Variants in FSTL5 observed in about 807,000 individuals in gnomAD.
FSTL5 encodes follistatin like 5, also known as follistatin-related protein 5.
A neutral mutation model predicts 89.1 loss-of-function variants in FSTL5; 62 were observed. The observed-to-expected ratio is 0.70, with a 90% CI of 0.57 to 0.86. The LOEUF (loss-of-function observed/expected upper bound fraction) is 0.86. FSTL5 is among the 40% of genes least tolerant of loss of function. FSTL5 has a pLI of 0.00. For missense variants in FSTL5, 1,057 were observed against 1,001.6 expected (o/e 1.06, Z -0.75); for synonymous variants, 383 against 346.2 (o/e 1.11, Z -1.18).
chr4:161,901,658 G>A (rs951520110), intron 4 of FSTL5, among the ~76,000 whole-genome samples: 7 of 152,164 alleles, frequency 4.6e-5, no homozygotes, highest in Admixed American at 2.0e-4. Flanking sequence ...TTTAGGCCGG[G>A]CATGGTGGCT....
intron 4 of FSTL5, among the ~76,000 whole-genome samples, chr4:161,913,893 G>A (rs560904278): frequency 6.6e-6 from 1 of 152,242 alleles, no homozygotes; most frequent in Non-Finnish European, 1.5e-5. Flanking sequence ...TGATTTTACA[G>A]GCTCATAGGT....
chr4:161,650,809 T>C (rs1197833847), intron 7 of FSTL5, among the ~76,000 whole-genome samples: 1 of 152,188 alleles, frequency 6.6e-6, no homozygotes, highest in Non-Finnish European at 1.5e-5. Context: ...CTGGACTATA[T>C]ATAAGTTACT....
At chr4:161,625,376 T>C (rs963284260) in intron 7 of FSTL5, among the ~76,000 whole-genome samples, 1 of 152,130 alleles carries the variant, frequency 6.6e-6, no homozygotes, top group Non-Finnish European at 1.5e-5. Flanking sequence ...CTCCAACTTT[T>C]TTGTTATTAT....
chr4:161,422,370 T>C (rs547740175), intron 15 of FSTL5, among the ~76,000 whole-genome samples: 1 of 152,182 alleles, frequency 6.6e-6, no homozygotes, highest in Non-Finnish European at 1.5e-5. Flanking sequence ...CTACTATTAC[T>C]ACTATTGATA....
chr4:162,071,843 A>C (rs760854739), intron 2 of FSTL5, among the ~76,000 whole-genome samples: 3 of 151,836 alleles, frequency 2.0e-5, no homozygotes, highest in Non-Finnish European at 4.4e-5. Flanking sequence ...AAAAATCTGA[A>C]AACTGTACAA....
chr4:161,820,492 A>T (rs541232614), intron 4 of FSTL5, among the ~76,000 whole-genome samples: 2 of 152,326 alleles, frequency 1.3e-5, no homozygotes, highest in African/African-American at 4.8e-5. Flanking sequence ...ATATCTGCTC[A>T]CCAAACCCAT....
At chr4:161,920,800 T>C (rs1733974952) in intron 3 of FSTL5, 148 bp from the exon 4 acceptor site, 1 of 686,980 alleles carries the variant, frequency 1.5e-6, no homozygotes, top group Non-Finnish European at 2.4e-6. Flanking sequence ...GACATGCTTA[T>C]ATAAATAACT....
intron 2 of FSTL5, among the ~76,000 whole-genome samples, chr4:162,091,255 G>A (rs1410936692): frequency 6.6e-6 from 1 of 152,118 alleles, no homozygotes; most frequent in Non-Finnish European, 1.5e-5. Flanking sequence ...TTGCTTGATA[G>A]ATTATCCATT....
chr4:161,726,868 T>TC (rs1739439024), intron 6 of FSTL5, among the ~76,000 whole-genome samples: 1 of 148,330 alleles, frequency 6.7e-6, no homozygotes, highest in Admixed American at 6.8e-5. Flanking sequence ...CTGTCAAGAG[T>TC]CACTCAATGC....
intron 2 of FSTL5, among the ~76,000 whole-genome samples, chr4:162,040,171 G>A (rs1737894233): frequency 6.6e-6 from 1 of 151,924 alleles, no homozygotes; most frequent in Non-Finnish European, 1.5e-5. Context: ...AATTAAAAAT[G>A]GTTTTAAAAG....
At chr4:161,739,364 A>G (rs1739926202) in intron 6 of FSTL5, among the ~76,000 whole-genome samples, 1 of 152,218 alleles carries the variant, frequency 6.6e-6, no homozygotes, top group South Asian at 2.1e-4. Context: ...ATGCCTCAGA[A>G]GGAACCCACC....
intron 4 of FSTL5, among the ~76,000 whole-genome samples, chr4:161,837,785 A>G (rs1451308755): frequency 2.0e-5 from 3 of 152,162 alleles, no homozygotes; most frequent in Non-Finnish European, 4.4e-5. Context: ...AATAAAATTT[A>G]TGGCCTATGA....
At chr4:161,903,012 G>C (rs1733415465) in intron 4 of FSTL5, among the ~76,000 whole-genome samples, 1 of 152,086 alleles carries the variant, frequency 6.6e-6, no homozygotes, top group Non-Finnish European at 1.5e-5. Context: ...TAATTAATCA[G>C]CACAGTAAGG....
intron 1 of FSTL5, among the ~76,000 whole-genome samples, chr4:162,134,202 T>C (rs1223981977): frequency 6.6e-6 from 1 of 152,194 alleles, no homozygotes; most frequent in Non-Finnish European, 1.5e-5. Flanking sequence ...TGTAAAATGT[T>C]GAGGAATAAG....
chr4:161,545,574 G>T lies in FSTL5; in HGVS notation c.1016-2881C>A, dbSNP rs139875876. ...TTTACAAATACATGCCAATATCAGGGAATCAGCTGATTCTGGTAGGCAGCC... is the reference window on the plus strand; with the variant it reads ...TTTACAAATACATGCCAATATCAGGTAATCAGCTGATTCTGGTAGGCAGCC... On this transcript the variant is annotated intron_variant, in intron 8 of 15. Transcript: ENST00000306100. Among the ~76,000 whole-genome samples, 1,235 of 152,030 alleles carry T rather than the reference G, an allele frequency of 8.1e-3. 20 individuals are homozygous for T. Among genetic ancestry groups the T allele is most frequent in the African/African-American group, 0.029 (1,194 of 41,524 alleles).
intron 5 of FSTL5, among the ~76,000 whole-genome samples, chr4:161,765,686 G>A (rs531415621): frequency 6.6e-6 from 1 of 152,166 alleles, no homozygotes; most frequent in African/African-American, 2.4e-5. Context: ...GGCATTTTAA[G>A]TCAAATACGT....
At chr4:161,417,802 T>A (rs1176313478) in intron 15 of FSTL5, among the ~76,000 whole-genome samples, 1 of 152,232 alleles carries the variant, frequency 6.6e-6, no homozygotes, top group African/African-American at 2.4e-5. Flanking sequence ...AAATAAACAC[T>A]TAAAAGAGAT....
intron 3 of FSTL5, among the ~76,000 whole-genome samples, chr4:161,941,072 T>C (rs1734568144): frequency 6.6e-6 from 1 of 151,898 alleles, no homozygotes; most frequent in South Asian, 2.1e-4. Context: ...ATTAAGGCTA[T>C]GATGATACTA....
At chr4:161,479,578 C>T (rs1353236773) in intron 13 of FSTL5, among the ~76,000 whole-genome samples, 1 of 152,024 alleles carries the variant, frequency 6.6e-6, no homozygotes, top group Non-Finnish European at 1.5e-5. Context: ...AATAAAAAGC[C>T]AATCTAGTCA....
Sources: allele counts gnomAD v4.1 joint callset (sites outside exome capture counted in the v4.1 genomes callset), GRCh38; gene constraint gnomAD v4.1.1; transcripts MANE v1.5; gene names NCBI Gene and HGNC (gene_info 2026-07-23, HGNC 2026-07-21).